Variants in MYBPH observed in about 807,000 individuals in gnomAD.
MYBPH encodes myosin-binding protein H.
Under a neutral mutation model 53.6 loss-of-function variants are expected in MYBPH, and 49 were observed. The ratio of observed to expected loss-of-function variants is 0.91; its 90% CI spans 0.73 to 1.16. MYBPH has a LOEUF of 1.16. Ranked by LOEUF, MYBPH falls within the 50% of genes most tolerant of loss-of-function variation. MYBPH has a pLI of 0.00. For synonymous variants in MYBPH, 239 were observed against 249.6 expected (o/e 0.96, Z 0.40); for missense variants, 558 against 624.1 (o/e 0.89, Z 1.13).
upstream of MYBPH, among the ~76,000 whole-genome samples, chr1:203,178,534 G>T (rs2297945): frequency 9.8e-3 from 1,489 of 152,328 alleles, 34 homozygotes; most frequent in East Asian, 0.086. Context: ...AGGGTTCAGG[G>T]CTTTCTAACC....
chr1:203,170,910 G>A, intron 6 of MYBPH, 151 bp downstream of exon 6: 1 of 1,082,206 alleles, frequency 9.2e-7, no homozygotes, highest in Non-Finnish European at 1.3e-6. Flanking sequence ...GAGAGGAAGA[G>A]TCTTGCTAAG....
chr1:203,174,694 C>T, intron 2 of MYBPH, 97 bp from the exon 3 acceptor site: 1 of 1,301,886 alleles, frequency 7.7e-7, no homozygotes. Flanking sequence ...GGGAAATCAG[C>T]CTCCCTCTCT....
At chr1:203,170,931 G>A in intron 6 of MYBPH, 130 bp downstream of exon 6, 1 of 1,274,150 alleles carries the variant, frequency 7.8e-7, no homozygotes, top group South Asian at 1.7e-5. Context: ...GGCCTCCTAG[G>A]GAGTCAGGTT....
chr1:203,178,261 T>C (rs1655853403), upstream of MYBPH, among the ~76,000 whole-genome samples: 1 of 152,166 alleles, frequency 6.6e-6, no homozygotes. Context: ...TCAGGCCAGC[T>C]TGAGCAGAGG....
chr1:203,169,066 C>T lies in MYBPH; in HGVS notation c.1257G>A (p.Lys419=), dbSNP rs779521893. The part of the protein sequence containing the change: ...PKPKIIWMKN[K]MEIQGNPKYR... ...ATTTGGGGTTGCCCTGGATCTCCAT[C>T]TTGTTTTTCATCCAGATGATCTTGG... Residue 419 remains lysine (K), a synonymous_variant, in exon 9 of 11, where the codon AAG becomes AAA. Coordinates refer to ENST00000255416, the MANE Select transcript of MYBPH (RefSeq NM_004997.3). 1 of 1,613,970 alleles carries T rather than the reference C, an allele frequency of 6.2e-7. No homozygotes were observed. Among genetic ancestry groups the T allele is most frequent in the South Asian group, 1.1e-5 (1 of 91,080 alleles).
rs777747713 is a variant in MYBPH at position 203,170,463 on chromosome 1, G to C, written c.934-13C>G. On this transcript the variant is annotated splice_polypyrimidine_tract_variant and intron_variant, in intron 6 of 10. Coordinates refer to ENST00000255416, the MANE Select transcript of MYBPH (RefSeq NM_004997.3). ...CTGTGAACCATTGCTGCAGGGCCCCGGGTGTCACCCTCATTTCTCACCCCT... is the reference window on the plus strand; with the variant it reads ...CTGTGAACCATTGCTGCAGGGCCCCCGGTGTCACCCTCATTTCTCACCCCT... The C allele has an allele frequency of 1.2e-6, 2 of 1,612,570 alleles. No homozygotes were observed. Among genetic ancestry groups the C allele is most frequent in the African/African-American group, 2.7e-5 (2 of 74,852 alleles).
intron 7 of MYBPH, 84 bp downstream of exon 7, chr1:203,170,207 C>A: frequency 6.5e-7 from 1 of 1,542,770 alleles, no homozygotes; most frequent in Non-Finnish European, 8.8e-7. Flanking sequence ...CCAGGAGAAA[C>A]CCAGAGAGAG....
At chr1:203,177,337 C>T (rs1655831666), upstream of MYBPH, among the ~76,000 whole-genome samples, 1 of 152,192 alleles carries the variant, frequency 6.6e-6, no homozygotes, top group South Asian at 2.1e-4. Context: ...CATAGTTATT[C>T]TTCAAATTAA....
Position 203,169,397 on chromosome 1 carries a change from C to T in MYBPH, c.1094-8G>A. The T allele has an allele frequency of 6.4e-7, 1 of 1,560,796 alleles. No homozygotes were observed. Among genetic ancestry groups the T allele is most frequent in the Non-Finnish European group, 8.7e-7 (1 of 1,151,384 alleles). Reference sequence around the variant, plus strand: ...TAGGTTTGGCAGCAATATCTGGGTTCAGGGGAGAAAGTCGGGTGCATCTGA... The same window carrying T: ...TAGGTTTGGCAGCAATATCTGGGTTTAGGGGAGAAAGTCGGGTGCATCTGA... On this transcript the variant is annotated splice_polypyrimidine_tract_variant and splice_region_variant and intron_variant, in intron 7 of 10. Transcript: ENST00000255416.
upstream of MYBPH, among the ~76,000 whole-genome samples, chr1:203,177,419 T>C (rs1205768410): frequency 6.6e-6 from 1 of 152,232 alleles, no homozygotes; most frequent in African/African-American, 2.4e-5. Flanking sequence ...AGTGATTTAT[T>C]CAGGGCCCTC....
At chr1:203,174,385 G>T (rs1484200783) in intron 3 of MYBPH, 45 bp downstream of exon 3, 2 of 1,525,114 alleles carry the variant, frequency 1.3e-6, no homozygotes, top group African/African-American at 1.4e-5. Flanking sequence ...ATTAGATAAG[G>T]TGTTTGGGAA....
chr1:203,170,956 C>T, intron 6 of MYBPH, 105 bp downstream of exon 6: 2 of 1,454,686 alleles, frequency 1.4e-6, no homozygotes, highest in Non-Finnish European at 9.1e-7. Flanking sequence ...GTGGGCAGAC[C>T]AGAACTCGAT....
rs753223736 is a variant in MYBPH, at chr1:203,171,619, C to G, written c.598-41G>C. On this transcript the variant is annotated intron_variant, in intron 4 of 10. Transcript: ENST00000255416. This position sits in a 1 kb window ranked among gnomAD's most constrained non-coding sequence, Gnocchi z 4.2. ...CCCCAGGGTGAGTGTAGGGAGGTGCCAGAGTCCCCACACCTCCTTAACTCC... is the reference window on the plus strand; with the variant it reads ...CCCCAGGGTGAGTGTAGGGAGGTGCGAGAGTCCCCACACCTCCTTAACTCC... 6.4e-7 allele frequency: 1 copy of G among 1,558,746 alleles called. No homozygotes were observed. The highest frequency in any genetic ancestry group is 1.2e-5 in the South Asian group (1 of 85,566).
chr1:203,176,171 T>C (rs1450693033), upstream of MYBPH, among the ~76,000 whole-genome samples: 2 of 152,202 alleles, frequency 1.3e-5, no homozygotes. Flanking sequence ...GTCTGGCGTC[T>C]ATGGGGCCAC....
Position 203,171,812 on chromosome 1 carries a change from T to A in MYBPH, c.597+140A>T. The A allele has an allele frequency of 2.8e-6, 2 of 703,044 alleles. No individual in the cohort carries two copies. Among genetic ancestry groups the A allele is most frequent in the South Asian group, 5.1e-5 (2 of 39,600 alleles). 43.6% of individuals were successfully genotyped at this position (703,044 alleles called of 1,614,324 possible). ...CAGGCTGAGAATCACCAATGAGTCA[T>A]GTGCATGATTGCGGAAGGATGAAGC... On this transcript the variant is annotated intron_variant, in intron 4 of 10. Transcript: ENST00000255416. This position sits in a 1 kb window ranked among gnomAD's most constrained non-coding sequence, Gnocchi z 4.2.
At chr1:203,169,188 T>G in intron 8 of MYBPH, 65 bp downstream of exon 8, 1 of 1,575,688 alleles carries the variant, frequency 6.3e-7, no homozygotes, top group Admixed American at 1.8e-5. Context: ...CCCGGAGGAT[T>G]CCTCAGCCCT....
At position 203,169,310 on chromosome 1, in the gene MYBPH, G is replaced by A. The variant is rs1320319669; in HGVS notation, c.1173C>T (p.His391=). 2 of 1,613,468 alleles carry A rather than the reference G, an allele frequency of 1.2e-6. No individual in the cohort carries two copies. The highest frequency in any genetic ancestry group is 1.7e-6 in the Non-Finnish European group (2 of 1,179,748). ...APSFTQPLAD[H]TSTPGYSTQL... is the part of the protein sequence containing the mutation. ...GGGTGCTGTAGCCAGGGGTGGAGGT[G>A]TGGTCAGCCAGGGGCTGGGTGAATG... is the stretch of plus-strand genomic sequence containing the variant. The change falls in exon 8 of 11, where the codon CAC becomes CAT. Residue 391 remains histidine (H), a synonymous_variant. Transcript: ENST00000255416.
At chr1:203,170,922 G>A in intron 6 of MYBPH, 139 bp downstream of exon 6, 1 of 1,177,248 alleles carries the variant, frequency 8.5e-7, no homozygotes, top group Middle Eastern at 2.0e-4. Flanking sequence ...CTTGCTAAGG[G>A]CCTCCTAGGG....
chr1:203,176,503 C>T (rs2102194933), upstream of MYBPH, among the ~76,000 whole-genome samples: 1 of 152,158 alleles, frequency 6.6e-6, no homozygotes, highest in East Asian at 1.9e-4. Flanking sequence ...AGTTTTCCAC[C>T]TGTTACAGAG....
Sources: gnomAD v4.1 joint callset for allele counts (sites outside exome capture counted in the v4.1 genomes callset) on GRCh38, gnomAD v4.1.1 for gene constraint, Gnocchi (gnomAD v3.1) non-coding constraint, MANE v1.5 for transcripts, NCBI Gene and HGNC (gene_info 2026-07-23, HGNC 2026-07-21) for gene names.